Variants in SPON1 observed in about 807,000 individuals in gnomAD.
SPON1 encodes the protein spondin 1.
In SPON1, 52 loss-of-function variants were observed where a neutral mutation model predicts 111.7. That is an observed-to-expected ratio of 0.47 (90% CI 0.37 to 0.59). The LOEUF (loss-of-function observed/expected upper bound fraction) is 0.59, where lower values mean the gene tolerates loss of function less well. Ranked by LOEUF, SPON1 falls within the 20% of genes least tolerant of loss-of-function variation. The pLI, the probability that SPON1 is intolerant of heterozygous loss-of-function variation, is 0.00. For missense variants in SPON1, 957 were observed against 1,068.5 expected (o/e 0.90, Z 1.46); for synonymous variants, 410 against 395.8 (o/e 1.04, Z -0.43).
rs150398912 is a variant in SPON1 at position 14,194,567 on chromosome 11, C to CACACACACACAG, written c.826-48765_826-48764insACACACACACAG. 1.0e-3 allele frequency among the ~76,000 whole-genome samples: 139 copies of CACACACACACAG among 139,410 alleles called. 12 individuals carry two copies. Among genetic ancestry groups the CACACACACACAG allele is most frequent in the East Asian group, 7.3e-3 (34 of 4,684 alleles). The allele number at this position is 139,410 out of a possible 152,430, so 91.5% of individuals were successfully genotyped here. A position where few individuals can be genotyped will look rare whatever the true frequency, so the allele number is the denominator to read the frequency against. ...ACACACACACACACACACACACACA[C>CACACACACACAG]GGACTGCCTGCGTGGCTGGTACAAT... On this transcript the variant is annotated intron_variant, in intron 6 of 15. Transcript: ENST00000576479.
intron 2 of SPON1, among the ~76,000 whole-genome samples, chr11:14,039,814 G>A (rs2133812842): frequency 6.6e-6 from 1 of 152,262 alleles, no homozygotes; most frequent in Middle Eastern, 3.4e-3. Flanking sequence ...AAAGATATTT[G>A]TAGATGTTGA....
In SPON1 at chr11:14,135,347, C is replaced by A; in HGVS notation, c.677-73C>A. The A allele has an allele frequency of 6.6e-7, 1 of 1,513,836 alleles. No individual in the cohort carries two copies. Among genetic ancestry groups the A allele is most frequent in the Non-Finnish European group, 9.0e-7 (1 of 1,108,460 alleles). 93.8% of individuals were successfully genotyped at this position (1,513,836 alleles called of 1,614,324 possible). ...TTGAATCGATGTCCAATTACGCATC[C>A]TCCCCATCATTTAAGGGACTCGTGT... On this transcript the variant is annotated intron_variant, in intron 5 of 15. Coordinates refer to ENST00000576479, the MANE Select transcript of SPON1 (RefSeq NM_006108.4). The surrounding 1 kb of genome is among the most constrained non-coding windows in gnomAD (Gnocchi z 4.4).
intron 5 of SPON1, among the ~76,000 whole-genome samples, chr11:14,096,672 C>G (rs1019615802): frequency 6.6e-6 from 1 of 152,194 alleles, no homozygotes; most frequent in Non-Finnish European, 1.5e-5. Context: ...GTTCCTGAAA[C>G]TGCTCCTCCT....
At chr11:14,176,290 A>T (rs1848174201) in intron 6 of SPON1, among the ~76,000 whole-genome samples, 1 of 152,124 alleles carries the variant, frequency 6.6e-6, no homozygotes, top group Non-Finnish European at 1.5e-5. Flanking sequence ...CCTAACCAAG[A>T]GCTCCAAGAA....
rs1325268963 is a variant in SPON1 at position 14,124,219 on chromosome 11, A to G, written c.677-11201A>G. Among the ~76,000 whole-genome samples, 5 of 152,002 alleles carry G rather than the reference A, an allele frequency of 3.3e-5. No individual in the cohort carries two copies. The South Asian group carries it at 6.2e-4, about 19-fold the overall frequency. On this transcript the variant is annotated intron_variant, in intron 5 of 15. Coordinates refer to ENST00000576479, the MANE Select transcript of SPON1 (RefSeq NM_006108.4). ...ACACACACACGCACACACTACCATG[A>G]CCTACTCGTAGTCTTACACATATCT...
At chr11:14,124,865 T>C (rs1847436711) in intron 5 of SPON1, among the ~76,000 whole-genome samples, 1 of 152,166 alleles carries the variant, frequency 6.6e-6, no homozygotes, top group African/African-American at 2.4e-5. Context: ...TAGAAAATAA[T>C]GTAATCAATT....
intron 5 of SPON1, among the ~76,000 whole-genome samples, chr11:14,121,348 A>G (rs1554926488): frequency 6.6e-6 from 1 of 152,242 alleles, no homozygotes; most frequent in Non-Finnish European, 1.5e-5. Context: ...GAAGATAGAG[A>G]GTAATTTTCC....
intron 5 of SPON1, among the ~76,000 whole-genome samples, chr11:14,090,000 C>G (rs1554923098): frequency 6.6e-6 from 1 of 152,150 alleles, no homozygotes; most frequent in African/African-American, 2.4e-5. Flanking sequence ...CCTTCCCACA[C>G]CAAGCTCGAT....
intron 6 of SPON1, among the ~76,000 whole-genome samples, chr11:14,150,701 G>A (rs527975970): frequency 5.3e-5 from 8 of 152,196 alleles, no homozygotes; most frequent in Non-Finnish European, 8.8e-5. Flanking sequence ...TAATGTTTTC[G>A]TTATATTGAT....
At position 14,135,187 on chromosome 11, in the gene SPON1, G is replaced by A; in HGVS notation, c.677-233G>A. ...CTTCCTAGACAGAACGCATCTCTGG[G>A]CTGCCTCTGCGTCTTGTTCAACATC... On this transcript the variant is annotated intron_variant, in intron 5 of 15. Transcript: ENST00000576479. The surrounding 1 kb of genome is among the most constrained non-coding windows in gnomAD (Gnocchi z 4.4). 2.4e-6 allele frequency: 1 copy of A among 424,316 alleles called. No individual in the cohort carries two copies. Among genetic ancestry groups the A allele is most frequent in the Non-Finnish European group, 4.2e-6 (1 of 235,680 alleles). 26.3% of individuals were successfully genotyped at this position (424,316 alleles called of 1,614,324 possible).
At chr11:14,012,596 CA>C (rs1459206116) in intron 2 of SPON1, among the ~76,000 whole-genome samples, 2 of 152,164 alleles carry the variant, frequency 1.3e-5, no homozygotes, top group East Asian at 1.9e-4. Flanking sequence ...ACCGATTTGG[CA>C]AAAACAGACT....
In SPON1 at chr11:14,080,152, C is replaced by G; in HGVS notation, c.676+131C>G. On this transcript the variant is annotated intron_variant, in intron 5 of 15. Transcript: ENST00000576479. ...TGGCTGGTTCATGAAATGCACAATC[C>G]AAGTATGTATATTAATCAAGACAGG... 3 of 992,490 alleles carry G rather than the reference C, an allele frequency of 3.0e-6. No homozygotes were observed. In the South Asian group the frequency reaches 4.7e-5, roughly 15 times the overall value. 61.5% of individuals were successfully genotyped at this position (992,490 alleles called of 1,614,324 possible). A position where few individuals can be genotyped will look rare whatever the true frequency, so the allele number is the denominator to read the frequency against.
At chr11:14,155,409 G>A (rs563216754) in intron 6 of SPON1, among the ~76,000 whole-genome samples, 10 of 152,294 alleles carry the variant, frequency 6.6e-5, no homozygotes, top group East Asian at 3.9e-4. Flanking sequence ...CAATCATGGC[G>A]GCAGGTGAAG....
intron 3 of SPON1, among the ~76,000 whole-genome samples, chr11:14,063,504 G>A (rs1335419333): frequency 1.3e-5 from 2 of 152,066 alleles, no homozygotes; most frequent in African/African-American, 4.8e-5. Flanking sequence ...TTAGGAAACA[G>A]GACAGATCAT....
intron 6 of SPON1, among the ~76,000 whole-genome samples, chr11:14,160,419 A>ATATATATATATT (rs1331647564): frequency 2.4e-5 from 1 of 41,784 alleles, no homozygotes; most frequent in Non-Finnish European, 3.7e-5. Context: ...ATATATATTT[A>ATATATATATATT]TATATATATA....
chr11:14,201,675 G>C (rs1554935651), intron 6 of SPON1, among the ~76,000 whole-genome samples: 1 of 151,970 alleles, frequency 6.6e-6, no homozygotes, highest in Admixed American at 6.6e-5. Flanking sequence ...TGATGTTATA[G>C]GTATGAGCCA....
At chr11:14,169,055 T>C (rs1848066788) in intron 6 of SPON1, among the ~76,000 whole-genome samples, 1 of 152,224 alleles carries the variant, frequency 6.6e-6, no homozygotes, top group Non-Finnish European at 1.5e-5. Flanking sequence ...TTTCTAGTTC[T>C]AGATCCCTGA....
intron 6 of SPON1, among the ~76,000 whole-genome samples, chr11:14,136,961 C>T (rs1847600543): frequency 6.6e-6 from 1 of 152,160 alleles, no homozygotes; most frequent in South Asian, 2.1e-4. Flanking sequence ...TTCACATTCC[C>T]AGTTCTCAAG....
intron 6 of SPON1, among the ~76,000 whole-genome samples, chr11:14,154,655 G>A (rs4757232): frequency 0.37 from 56,875 of 151,802 alleles, 11,044 homozygotes; most frequent in East Asian, 0.54. Flanking sequence ...CTAACATTTG[G>A]CTTCTCTTTA....
Sources: allele counts gnomAD v4.1 joint callset (sites outside exome capture counted in the v4.1 genomes callset), GRCh38; gene constraint gnomAD v4.1.1; non-coding constraint Gnocchi (gnomAD v3.1); transcripts MANE v1.5; gene names NCBI Gene and HGNC (gene_info 2026-07-23, HGNC 2026-07-21).